The following CCSER1 variants were observed in gnomAD, a reference collection of about 807,000 sequenced individuals.
The protein encoded by CCSER1 is coiled-coil serine rich protein 1, also known as serine-rich coiled-coil domain-containing protein 1.
CCSER1 carries 41 observed loss-of-function variants against 82.0 expected under a neutral mutation model. That is an observed-to-expected ratio of 0.50 (90% CI 0.39 to 0.65). The LOEUF is 0.65. Ranked by LOEUF, CCSER1 falls within the 30% of genes least tolerant of loss-of-function variation. The pLI, the probability that CCSER1 is intolerant of heterozygous loss-of-function variation, is 0.00. For synonymous variants in CCSER1, 414 were observed against 383.9 expected (o/e 1.08, Z -0.92); for missense variants, 1,119 against 1,064.2 (o/e 1.05, Z -0.72).
chr4:90,412,651 C>T (rs13139812), intron 4 of CCSER1, among the ~76,000 whole-genome samples: 2 of 151,802 alleles, frequency 1.3e-5, no homozygotes, highest in African/African-American at 2.4e-5. Context: ...ATTAAAAACA[C>T]ATATCACATG....
At chr4:90,838,875 A>G (rs1318586669) in intron 8 of CCSER1, 5 of 1,612,554 alleles carry the variant, frequency 3.1e-6, no homozygotes, top group Non-Finnish European at 4.2e-6. Flanking sequence ...TGTGGAATGT[A>G]CAGTGCATAT....
chr4:90,558,964 A>G (rs1317870883), intron 5 of CCSER1, among the ~76,000 whole-genome samples: 1 of 152,142 alleles, frequency 6.6e-6, no homozygotes, highest in Admixed American at 6.5e-5. Context: ...GTGAAGCAAA[A>G]ACAAATGTAG....
At chr4:90,689,238 GC>G (rs1248416853) in intron 6 of CCSER1, among the ~76,000 whole-genome samples, 1 of 152,070 alleles carries the variant, frequency 6.6e-6, no homozygotes, top group Non-Finnish European at 1.5e-5. Flanking sequence ...GAGAGGGGAA[GC>G]AGGATTCATC....
intron 10 of CCSER1, among the ~76,000 whole-genome samples, chr4:91,176,700 C>G (rs1332242876): frequency 2.0e-5 from 3 of 152,162 alleles, no homozygotes; most frequent in Non-Finnish European, 2.9e-5. Context: ...AGTTGCTTAT[C>G]AGCTTAAGGA....
intron 10 of CCSER1, among the ~76,000 whole-genome samples, chr4:91,121,630 T>C (rs952143054): frequency 1.1e-4 from 16 of 151,840 alleles, no homozygotes; most frequent in African/African-American, 3.6e-4. Context: ...ATTAACTTAG[T>C]ATCTAATCAT....
intron 1 of CCSER1, among the ~76,000 whole-genome samples, chr4:90,294,748 G>A (rs1731543750): frequency 6.6e-6 from 1 of 151,588 alleles, no homozygotes; most frequent in Non-Finnish European, 1.5e-5. Context: ...TTGAAGCATC[G>A]TATTACATAT....
At chr4:91,201,727 G>A (rs146717160) in intron 10 of CCSER1, among the ~76,000 whole-genome samples, 1 of 152,148 alleles carries the variant, frequency 6.6e-6, no homozygotes, top group African/African-American at 2.4e-5. Context: ...GGTGGCATAT[G>A]TATGTAAGGG....
intron 10 of CCSER1, among the ~76,000 whole-genome samples, chr4:91,531,155 C>T (rs12647987): frequency 0.68 from 103,167 of 152,046 alleles, 35,630 homozygotes; most frequent in African/African-American, 0.81. Flanking sequence ...ATAATTTCAA[C>T]ATTGTAAGAG....
chr4:91,540,158 G>C (rs1214727100), intron 10 of CCSER1, among the ~76,000 whole-genome samples: 1 of 151,956 alleles, frequency 6.6e-6, no homozygotes, highest in Non-Finnish European at 1.5e-5. Flanking sequence ...TCCTCTACTA[G>C]CACAGCCTTC....
At chr4:90,225,773 G>T (rs1425193972) in intron 1 of CCSER1, among the ~76,000 whole-genome samples, 1 of 152,096 alleles carries the variant, frequency 6.6e-6, no homozygotes, top group Non-Finnish European at 1.5e-5. Flanking sequence ...ATTCCCTGGA[G>T]ATTGATGCTT....
At chr4:90,312,778 A>G (rs1735532199) in intron 2 of CCSER1, 85 bp from the exon 3 acceptor site, 1 of 1,028,870 alleles carries the variant, frequency 9.7e-7, no homozygotes, top group Non-Finnish European at 1.4e-6. Flanking sequence ...TAACACTAAG[A>G]GTTTTTCATG....
chr4:91,043,858 G>A (rs570666835), intron 9 of CCSER1, among the ~76,000 whole-genome samples: 66 of 152,298 alleles, frequency 4.3e-4, no homozygotes, highest in Non-Finnish European at 1.6e-4. Flanking sequence ...AAAGTGCTGG[G>A]ATGACAGTCG....
At chr4:90,164,614 A>G (rs1229276331) in intron 1 of CCSER1, among the ~76,000 whole-genome samples, 1 of 152,170 alleles carries the variant, frequency 6.6e-6, no homozygotes, top group Non-Finnish European at 1.5e-5. Context: ...AAAAGAATCT[A>G]AAGTAGCAGA....
chr4:90,925,716 T>A (rs12647823), intron 9 of CCSER1, among the ~76,000 whole-genome samples: 7,337 of 152,238 alleles, frequency 0.048, 356 homozygotes, highest in East Asian at 0.21. Flanking sequence ...AATGAAGCCA[T>A]GGTAATTGTT....
In CCSER1 at chr4:91,474,804, TATATATATACACACAC is replaced by T. The variant is rs1408360000; in HGVS notation, c.2218-123766_2218-123751del. Among the ~76,000 whole-genome samples the T allele has an allele frequency of 4.3e-4, 56 of 128,802 alleles. No homozygotes were observed. In the South Asian group the frequency reaches 9.5e-3, roughly 22 times the overall value. The allele number at this position is 128,802 out of a possible 152,430, so 84.5% of individuals were successfully genotyped here. A position where few individuals can be genotyped will look rare whatever the true frequency, so the allele number is the denominator to read the frequency against. ...ATATTTGTGTATATATATATATATA[TATATATATACACACAC>T]ACACACACACACACACACATTGCCT... On this transcript the variant is annotated intron_variant, in intron 10 of 10. Coordinates refer to ENST00000509176, the MANE Select transcript of CCSER1 (RefSeq NM_001145065.2).
chr4:91,278,327 A>G (rs926701073), intron 10 of CCSER1, among the ~76,000 whole-genome samples: 4 of 152,216 alleles, frequency 2.6e-5, no homozygotes, highest in East Asian at 1.9e-4. Flanking sequence ...TTCCCTTTAC[A>G]TCTGGTAATG....
intron 3 of CCSER1, among the ~76,000 whole-genome samples, chr4:90,351,140 A>C (rs1392318991): frequency 6.6e-6 from 1 of 152,218 alleles, no homozygotes; most frequent in Non-Finnish European, 1.5e-5. Context: ...AACAGGTATT[A>C]AAATATATTG....
At chr4:90,267,338 T>C (rs1045506074) in intron 1 of CCSER1, among the ~76,000 whole-genome samples, 1 of 152,002 alleles carries the variant, frequency 6.6e-6, no homozygotes, top group Non-Finnish European at 1.5e-5. Flanking sequence ...AACAGAGAAC[T>C]AGGTAGATTC....
chr4:91,529,583 T>G (rs917768405), intron 10 of CCSER1, among the ~76,000 whole-genome samples: 3 of 152,142 alleles, frequency 2.0e-5, no homozygotes, highest in African/African-American at 4.8e-5. Context: ...GGTCATTATT[T>G]ATTGTATAAA....
Sources: gnomAD v4.1 joint callset for allele counts (sites outside exome capture counted in the v4.1 genomes callset) on GRCh38, gnomAD v4.1.1 for gene constraint, MANE v1.5 for transcripts, NCBI Gene and HGNC (gene_info 2026-07-23, HGNC 2026-07-21) for gene names.